The following ZNF407 variants were observed in gnomAD, a reference collection of about 807,000 sequenced individuals.
The protein encoded by ZNF407 is zinc finger protein 407.
Under a neutral mutation model 131.2 loss-of-function variants are expected in ZNF407, and 17 were observed. The observed-to-expected ratio is 0.13, with a 90% CI of 0.09 to 0.19. The LOEUF is 0.19. ZNF407 is among the 10% of genes least tolerant of loss of function. The probability of loss-of-function intolerance (pLI) is 1.00; values close to 1 mark genes in which losing one functional copy is unlikely to be tolerated. For missense variants in ZNF407, 2,681 were observed against 2,830.6 expected, an observed-to-expected ratio of 0.95 and a Z score of 1.20; for synonymous variants, 1,156 against 1,062.0, an observed-to-expected ratio of 1.09 and a Z score of -1.72.
intron 3 of ZNF407, among the ~76,000 whole-genome samples, chr18:74,777,329 G>C (rs1323664701): frequency 6.6e-6 from 1 of 151,864 alleles, no homozygotes; most frequent in Admixed American, 6.6e-5. Context: ...CTTGTAAGTC[G>C]ATCAATATTT....
chr18:74,779,109 A>ATTTTTTTT (rs869191171), intron 3 of ZNF407, among the ~76,000 whole-genome samples: 13 of 24,376 alleles, frequency 5.3e-4, no homozygotes, highest in Admixed American at 9.3e-4. Flanking sequence ...ATATATATAT[A>ATTTTTTTT]TTTTTTTTTT....
rs767314334 is a variant in ZNF407, at chr18:74,631,181, A to G, written c.162A>G (p.Ser54=). The change falls in exon 2 of 9, where the codon TCA becomes TCG. Residue 54 remains serine, a synonymous_variant. Transcript: ENST00000299687. The stretch of plus-strand genomic sequence containing the variant: ...ATTCTATGGGCAAAAGAGGTTTTTC[A>G]GAATCATCGAACTCTGATAGTGTTG... ...PENSMGKRGF[S]ESSNSDSVVI... The G allele has an allele frequency of 1.1e-5, 18 of 1,613,918 alleles. No individual in the cohort carries two copies. The highest frequency in any genetic ancestry group is 1.5e-5 in the Non-Finnish European group (18 of 1,179,902).
intron 8 of ZNF407, among the ~76,000 whole-genome samples, chr18:74,986,239 T>C (rs756833280): frequency 3.3e-5 from 5 of 151,572 alleles, no homozygotes; most frequent in Non-Finnish European, 7.4e-5. Flanking sequence ...GACAACTTAC[T>C]GTGAAATAGG....
intron 8 of ZNF407, among the ~76,000 whole-genome samples, chr18:75,027,659 G>T (rs997448350): frequency 6.6e-6 from 1 of 152,148 alleles, no homozygotes; most frequent in African/African-American, 2.4e-5. Context: ...CTGATTTGGG[G>T]CAAACAGCAG....
chr18:74,928,855 C>G (rs1371514216), intron 8 of ZNF407, among the ~76,000 whole-genome samples: 1 of 152,062 alleles, frequency 6.6e-6, no homozygotes, highest in East Asian at 1.9e-4. Flanking sequence ...ATTCAGTCAG[C>G]TGGGGTGGGG....
At chr18:74,610,773 C>G (rs564320446) in intron 1 of ZNF407, among the ~76,000 whole-genome samples, 1 of 152,030 alleles carries the variant, frequency 6.6e-6, no homozygotes, top group Non-Finnish European at 1.5e-5. Context: ...AGGCTGGTCT[C>G]GAACCCCTCA....
intron 8 of ZNF407, among the ~76,000 whole-genome samples, chr18:74,949,133 CTATT>C (rs1283320254): frequency 7.9e-5 from 12 of 152,154 alleles, no homozygotes; most frequent in Non-Finnish European, 1.5e-4. Context: ...ACAGAAGAAA[CTATT>C]TATGATATTT....
At chr18:75,041,195 G>A (rs1973368512) in intron 8 of ZNF407, among the ~76,000 whole-genome samples, 1 of 152,186 alleles carries the variant, frequency 6.6e-6, no homozygotes, top group Non-Finnish European at 1.5e-5. Context: ...GTGGCTAAAC[G>A]TAGATTTTAA....
At chr18:75,018,182 A>G (rs1367013158) in intron 8 of ZNF407, among the ~76,000 whole-genome samples, 1 of 152,152 alleles carries the variant, frequency 6.6e-6, no homozygotes, top group Non-Finnish European at 1.5e-5. Flanking sequence ...TGGAAAATGC[A>G]TGGAACTTAT....
In ZNF407 at chr18:74,889,991, T is replaced by G. The variant is rs764566594; in HGVS notation, c.5202T>G (p.Arg1734=). ...AGTCCCATTTGACTCGGCATAAACG[T>G]GTCCACACTGGAGAAAAGCCCTACA... ...TTQSHLTRHK[R]VHTGEKPYRC... The change falls in exon 7 of 9, where the codon CGT becomes CGG. Residue 1734 remains arginine, a synonymous_variant. Transcript: ENST00000299687. The G allele has an allele frequency of 1.2e-6, 2 of 1,605,718 alleles. No homozygotes were observed. The highest frequency in any genetic ancestry group is 3.4e-5 in the Admixed American group (2 of 58,888).
intron 8 of ZNF407, among the ~76,000 whole-genome samples, chr18:74,962,466 C>T (rs1027376358): frequency 6.6e-6 from 1 of 152,306 alleles, no homozygotes; most frequent in South Asian, 2.1e-4. Context: ...AGGATCTGGC[C>T]CACAATAGAC....
intron 6 of ZNF407, among the ~76,000 whole-genome samples, chr18:74,888,717 G>A (rs771181789): frequency 6.6e-6 from 1 of 152,102 alleles, no homozygotes; most frequent in African/African-American, 2.4e-5. Context: ...ATCAGCCAAT[G>A]CAGCTAGTGG....
At chr18:74,896,795 A>G (rs530884466) in intron 7 of ZNF407, among the ~76,000 whole-genome samples, 5 of 152,120 alleles carry the variant, frequency 3.3e-5, no homozygotes, top group Admixed American at 6.5e-5. Context: ...TGTCCTCTTA[A>G]TTGTATCATC....
chr18:74,837,611 G>T (rs2145126685), intron 4 of ZNF407, among the ~76,000 whole-genome samples: 1 of 151,906 alleles, frequency 6.6e-6, no homozygotes, highest in South Asian at 2.1e-4. Flanking sequence ...TTTGCTGAAG[G>T]GCTTTTTTTT....
chr18:74,683,159 A>G (rs1967024623), intron 3 of ZNF407, among the ~76,000 whole-genome samples: 1 of 152,218 alleles, frequency 6.6e-6, no homozygotes, highest in East Asian at 1.9e-4. Flanking sequence ...AATCACTGGA[A>G]ATGTGAGTCA....
intron 3 of ZNF407, among the ~76,000 whole-genome samples, chr18:74,729,440 G>A (rs763381685): frequency 6.6e-6 from 1 of 151,816 alleles, no homozygotes; most frequent in Non-Finnish European, 1.5e-5. Flanking sequence ...GGTTTACATA[G>A]TATGGATTCT....
At chr18:74,887,568 T>C (rs1971327309) in intron 6 of ZNF407, among the ~76,000 whole-genome samples, 2 of 152,182 alleles carry the variant, frequency 1.3e-5, no homozygotes, top group South Asian at 4.1e-4. Context: ...TTATGTTTGC[T>C]AGCTGTTCAT....
At chr18:74,771,700 A>T (rs1436237438) in intron 3 of ZNF407, among the ~76,000 whole-genome samples, 4 of 152,064 alleles carry the variant, frequency 2.6e-5, no homozygotes, top group African/African-American at 4.8e-5. Flanking sequence ...TCTTTAAGAA[A>T]TGATCATCTT....
At chr18:74,809,624 C>T (rs577008663) in intron 4 of ZNF407, among the ~76,000 whole-genome samples, 70 of 152,180 alleles carry the variant, frequency 4.6e-4, no homozygotes, top group African/African-American at 1.0e-3. Context: ...GAAGAACTGG[C>T]GTATGGTTAT....
Sources: gnomAD v4.1 joint callset for allele counts (sites outside exome capture counted in the v4.1 genomes callset) on GRCh38, gnomAD v4.1.1 for gene constraint, MANE v1.5 for transcripts, NCBI Gene and HGNC (gene_info 2026-07-23, HGNC 2026-07-21) for gene names.